The following FARS2 variants were observed in gnomAD, a reference collection of about 807,000 sequenced individuals.
The protein encoded by FARS2 is phenylalanyl-tRNA synthetase 2, mitochondrial.
In FARS2, 40 loss-of-function variants were observed where a neutral mutation model predicts 46.4. That is an observed-to-expected ratio of 0.86 (90% CI 0.67 to 1.12). The LOEUF (loss-of-function observed/expected upper bound fraction) is 1.12. FARS2 is among the 50% of genes most tolerant of loss of function. The pLI is 0.00. For synonymous variants in FARS2, 234 were observed against 214.9 expected, an observed-to-expected ratio of 1.09 and a Z score of -0.78; for missense variants, 513 against 567.9, an observed-to-expected ratio of 0.90 and a Z score of 0.98.
chr6:5,574,581 G>A (rs1343785588), intron 5 of FARS2, among the ~76,000 whole-genome samples: 2 of 152,140 alleles, frequency 1.3e-5, no homozygotes, highest in African/African-American at 4.8e-5. Flanking sequence ...CTCAGATTTT[G>A]TGTATCTGTG....
At chr6:5,559,871 C>G (rs1275327466) in intron 5 of FARS2, among the ~76,000 whole-genome samples, 6 of 152,064 alleles carry the variant, frequency 3.9e-5, no homozygotes, top group Admixed American at 3.9e-4. Flanking sequence ...AGCACTAGCA[C>G]TATGGAACAG....
intron 6 of FARS2, among the ~76,000 whole-genome samples, chr6:5,666,701 G>A (rs1778140246): frequency 6.6e-6 from 1 of 152,120 alleles, no homozygotes; most frequent in Admixed American, 6.5e-5. Flanking sequence ...ACTAACATTT[G>A]ACCCAGCAAT....
At chr6:5,709,168 G>T (rs1354002942) in intron 6 of FARS2, among the ~76,000 whole-genome samples, 4 of 152,272 alleles carry the variant, frequency 2.6e-5, no homozygotes, top group Admixed American at 2.6e-4. Context: ...TGTTGCTTTG[G>T]GTGGGCCAGA....
intron 5 of FARS2, among the ~76,000 whole-genome samples, chr6:5,601,524 CAAAAAAAAAAAAAAA>C (rs70975920): frequency 1.1e-5 from 1 of 92,164 alleles, no homozygotes; most frequent in African/African-American, 5.0e-5. Flanking sequence ...AACTCCATCA[CAAAAAAAAAAAAAAA>C]AAAAAAAAAA....
At chr6:5,296,354 G>A (rs1251881495) in intron 1 of FARS2, among the ~76,000 whole-genome samples, 1 of 151,992 alleles carries the variant, frequency 6.6e-6, no homozygotes, top group Non-Finnish European at 1.5e-5. Flanking sequence ...TGTTAGCCAG[G>A]ATGGTCTCGA....
At chr6:5,468,517 A>G (rs1483037755) in intron 4 of FARS2, among the ~76,000 whole-genome samples, 1 of 152,214 alleles carries the variant, frequency 6.6e-6, no homozygotes, top group African/African-American at 2.4e-5. Flanking sequence ...AATCCATAAT[A>G]TTATAGAAAG....
chr6:5,455,236 C>A (rs1457654027), intron 4 of FARS2, among the ~76,000 whole-genome samples: 2 of 152,170 alleles, frequency 1.3e-5, no homozygotes, highest in Admixed American at 6.5e-5. Context: ...ATTTTTAAAT[C>A]TTTGCAGAAG....
chr6:5,296,615 C>T (rs951981988), intron 1 of FARS2, among the ~76,000 whole-genome samples: 2 of 152,194 alleles, frequency 1.3e-5, no homozygotes, highest in Admixed American at 6.5e-5. Flanking sequence ...AACCACCATT[C>T]TACTTTCTGT....
intron 4 of FARS2, among the ~76,000 whole-genome samples, chr6:5,491,035 A>G (rs548197968): frequency 1.1e-4 from 16 of 152,364 alleles, no homozygotes; most frequent in African/African-American, 3.8e-4. Context: ...ATTTGTTTAC[A>G]CATCAATAGA....
chr6:5,492,850 A>T (rs560729416), intron 4 of FARS2, among the ~76,000 whole-genome samples: 28,254 of 152,172 alleles, frequency 0.19, 2,967 homozygotes, highest in African/African-American at 0.26. Flanking sequence ...GAGTGTATAT[A>T]GCCTTACACT....
At chr6:5,488,526 C>T (rs1766910850) in intron 4 of FARS2, among the ~76,000 whole-genome samples, 1 of 152,100 alleles carries the variant, frequency 6.6e-6, no homozygotes, top group Non-Finnish European at 1.5e-5. Flanking sequence ...TTCATATTCA[C>T]CTGTTCATGC....
intron 4 of FARS2, among the ~76,000 whole-genome samples, chr6:5,454,623 C>A (rs139740150): frequency 6.6e-6 from 1 of 152,138 alleles, no homozygotes; most frequent in African/African-American, 2.4e-5. Context: ...GGATTGCAGG[C>A]GTGAGCCACT....
intron 5 of FARS2, among the ~76,000 whole-genome samples, chr6:5,591,999 G>A (rs941784122): frequency 1.3e-5 from 2 of 152,220 alleles, no homozygotes; most frequent in Non-Finnish European, 2.9e-5. Context: ...AAGGAAGACT[G>A]TCTAAGATGG....
At chr6:5,603,486 A>T (rs2150642373) in intron 5 of FARS2, among the ~76,000 whole-genome samples, 1 of 152,278 alleles carries the variant, frequency 6.6e-6, no homozygotes, top group Admixed American at 6.5e-5. Context: ...CAACAGCAGA[A>T]ACTTATTGTC....
intron 6 of FARS2, among the ~76,000 whole-genome samples, chr6:5,717,868 T>A (rs1759599796): frequency 1.3e-5 from 2 of 149,322 alleles, no homozygotes; most frequent in Non-Finnish European, 3.0e-5. Flanking sequence ...ATGCCCTAGT[T>A]CCCTCATATT....
the FARS2 span, among the ~76,000 whole-genome samples, chr6:5,251,546 C>A: frequency 2.0e-5 from 3 of 152,204 alleles, no homozygotes; most frequent in East Asian, 5.8e-4. Context: ...GAAGGAGATG[C>A]CACATACTTT....
chr6:5,635,496 A>G (rs1413006755), intron 6 of FARS2, among the ~76,000 whole-genome samples: 1 of 152,244 alleles, frequency 6.6e-6, no homozygotes, highest in African/African-American at 2.4e-5. Context: ...GATCTGAAAA[A>G]GAAATTTTTT....
At position 5,513,582 on chromosome 6, in the gene FARS2, G is replaced by A. The variant is rs145207856; in HGVS notation, c.905-31598G>A. On this transcript the variant is annotated intron_variant, in intron 4 of 6. Coordinates refer to ENST00000274680, the MANE Select transcript of FARS2 (RefSeq NM_006567.5). ...AGGGCGCCTGTGTCTTTTCGTTCTGGCTGCTGCCTCTACCTTTTTCTACTC... is the reference window on the plus strand; with the variant it reads ...AGGGCGCCTGTGTCTTTTCGTTCTGACTGCTGCCTCTACCTTTTTCTACTC... Among the ~76,000 whole-genome samples the A allele has an allele frequency of 3.9e-5, 6 of 152,326 alleles. No individual in the cohort carries two copies. The East Asian group carries it at 1.2e-3, about 29-fold the overall frequency.
intron 4 of FARS2, among the ~76,000 whole-genome samples, chr6:5,472,181 TGTA>T (rs2150322642): frequency 6.6e-6 from 1 of 152,226 alleles, no homozygotes; most frequent in African/African-American, 2.4e-5. Context: ...TGGGGGCTGG[TGTA>T]GTGGTGCTTC....
Sources: gnomAD v4.1 joint callset for allele counts (sites outside exome capture counted in the v4.1 genomes callset) on GRCh38, gnomAD v4.1.1 for gene constraint, MANE v1.5 for transcripts, NCBI Gene and HGNC (gene_info 2026-07-23, HGNC 2026-07-21) for gene names.